The following HECW1 variants were observed in gnomAD, a reference collection of about 807,000 sequenced individuals.
The protein encoded by HECW1 is HECT, C2 and WW domain containing E3 ubiquitin protein ligase 1, also known as E3 ubiquitin-protein ligase HECW1.
In HECW1, 61 loss-of-function variants were observed where a neutral mutation model predicts 182.3. That is an observed-to-expected ratio of 0.33 (90% CI 0.27 to 0.41). HECW1 has a LOEUF of 0.41. HECW1 is among the 10% of genes least tolerant of loss of function. The pLI is 1.00. For missense variants in HECW1, 1,739 were observed against 2,108.9 expected (o/e 0.82, Z 3.44); for synonymous variants, 859 against 832.6 (o/e 1.03, Z -0.55).
At chr7:43,211,041 A>T (rs371441177) in intron 2 of HECW1, among the ~76,000 whole-genome samples, 7 of 152,300 alleles carry the variant, frequency 4.6e-5, no homozygotes, top group African/African-American at 1.7e-4. Flanking sequence ...TCCCTCCTGC[A>T]GTGCTCTCAG....
chr7:43,171,173 T>G (rs1791649585), intron 2 of HECW1, among the ~76,000 whole-genome samples: 1 of 152,152 alleles, frequency 6.6e-6, no homozygotes, highest in African/African-American at 2.4e-5. Context: ...AGTAAAATGC[T>G]TGACTTTCTT....
intron 6 of HECW1, among the ~76,000 whole-genome samples, chr7:43,362,650 CT>C (rs771260719): frequency 1.1e-4 from 16 of 152,146 alleles, no homozygotes; most frequent in Non-Finnish European, 2.4e-4. Flanking sequence ...GGAGTGACAA[CT>C]AAATCAAGGT....
At chr7:43,393,723 G>A (rs1394318654) in intron 6 of HECW1, among the ~76,000 whole-genome samples, 1 of 150,210 alleles carries the variant, frequency 6.7e-6, no homozygotes, top group African/African-American at 2.5e-5. Context: ...CAATAAAGAT[G>A]AAGAGGCTTC....
chr7:43,504,755 C>A (rs191388043), intron 21 of HECW1, among the ~76,000 whole-genome samples: 4 of 152,168 alleles, frequency 2.6e-5, no homozygotes, highest in Admixed American at 1.3e-4. Context: ...CCCTCAGCAC[C>A]CTTCCTCTCT....
At chr7:43,466,760 C>T (rs528604682) in intron 15 of HECW1, among the ~76,000 whole-genome samples, 192 bp downstream of exon 15, 1 of 152,274 alleles carries the variant, frequency 6.6e-6, no homozygotes, top group African/African-American at 2.4e-5. Flanking sequence ...TTTGGAAATG[C>T]TGTTGCCTCT....
intron 21 of HECW1, among the ~76,000 whole-genome samples, chr7:43,504,202 G>A (rs558132350): frequency 1.9e-3 from 292 of 152,226 alleles, no homozygotes; most frequent in African/African-American, 6.5e-3. Context: ...CCCTCATTCC[G>A]TTCCCTGGCT....
At chr7:43,315,278 G>A (rs1364738136) in intron 4 of HECW1, among the ~76,000 whole-genome samples, 2 of 152,090 alleles carry the variant, frequency 1.3e-5, no homozygotes, top group African/African-American at 4.8e-5. Flanking sequence ...CAGAATTCTT[G>A]TGTCCAAAGA....
chr7:43,174,658 C>G (rs1037722495), intron 2 of HECW1, among the ~76,000 whole-genome samples: 3 of 151,958 alleles, frequency 2.0e-5, no homozygotes, highest in African/African-American at 7.2e-5. Context: ...GCTTTTTTTT[C>G]TTTCCTTATG....
At chr7:43,391,452 G>A (rs962792000) in intron 6 of HECW1, among the ~76,000 whole-genome samples, 23 of 152,312 alleles carry the variant, frequency 1.5e-4, no homozygotes, top group African/African-American at 5.5e-4. Flanking sequence ...TTTGTAAGCA[G>A]GAGTGGGAGT....
intron 4 of HECW1, among the ~76,000 whole-genome samples, chr7:43,315,119 T>C (rs978733818): frequency 3.3e-5 from 5 of 152,204 alleles, no homozygotes; most frequent in African/African-American, 4.8e-5. Flanking sequence ...ATAGGACTGT[T>C]CTGACATAAG....
chr7:43,274,147 G>A (rs1802783266), intron 3 of HECW1: 2 of 411,852 alleles, frequency 4.9e-6, no homozygotes, highest in Non-Finnish European at 8.5e-6. Flanking sequence ...CGGCAGGCAC[G>A]GAAAGGACGC....
intron 2 of HECW1, among the ~76,000 whole-genome samples, chr7:43,234,758 C>T (rs1368156071): frequency 1.3e-5 from 2 of 152,156 alleles, no homozygotes; most frequent in African/African-American, 4.8e-5. Context: ...AACACGAGCT[C>T]CACAGCCAGG....
At chr7:43,332,695 G>C (rs1385515676) in intron 5 of HECW1, among the ~76,000 whole-genome samples, 1 of 152,126 alleles carries the variant, frequency 6.6e-6, no homozygotes, top group Non-Finnish European at 1.5e-5. Context: ...AACAGTACAT[G>C]GGCTGCAAGG....
chr7:43,276,420 T>C (rs1311862821), intron 3 of HECW1, among the ~76,000 whole-genome samples: 1 of 150,476 alleles, frequency 6.6e-6, no homozygotes, highest in African/African-American at 2.5e-5. Flanking sequence ...CACAGTCGTT[T>C]GTAGAATTTA....
Position 43,444,323 on chromosome 7 carries a change from C to T in HECW1, c.1151C>T (p.Ala384Val), listed in dbSNP as rs969323271. The T allele has an allele frequency of 1.8e-5, 29 of 1,614,192 alleles. No homozygotes were observed. Among genetic ancestry groups the T allele is most frequent in the Non-Finnish European group, 2.5e-5 (29 of 1,180,026 alleles). Residue 384 changes from alanine to valine, a missense_variant, in exon 11 of 30, where the codon GCA becomes GTA. Ala to Val is a moderately conservative substitution (Grantham distance 64). Coordinates refer to ENST00000395891, the MANE Select transcript of HECW1 (RefSeq NM_015052.5). This position sits in a 1 kb window ranked among gnomAD's most constrained non-coding sequence, Gnocchi z 4.3. ...ESGSGEPRSE[A>V]PESSESWKPE... is the part of the protein sequence containing the mutation. ...GGCAGTGGGGAACCTCGGTCTGAGG[C>T]ACCAGAGTCCTCTGAGAGCTGGAAG...
At chr7:43,137,428 G>T (rs1209478739) in intron 2 of HECW1, among the ~76,000 whole-genome samples, 1 of 152,062 alleles carries the variant, frequency 6.6e-6, no homozygotes, top group African/African-American at 2.4e-5. Flanking sequence ...CTCTAAAATG[G>T]ATACTCATCA....
intron 2 of HECW1, among the ~76,000 whole-genome samples, chr7:43,211,633 G>T (rs1004808773): frequency 6.6e-6 from 1 of 152,180 alleles, no homozygotes; most frequent in Non-Finnish European, 1.5e-5. Context: ...AAATTGACCT[G>T]CTAGAATAAA....
intron 29 of HECW1, among the ~76,000 whole-genome samples, chr7:43,560,799 A>G (rs755942872): frequency 6.6e-6 from 1 of 152,150 alleles, no homozygotes; most frequent in South Asian, 2.1e-4. Flanking sequence ...GTTTCTTTGT[A>G]TGTTTGTTTT....
At chr7:43,228,602 C>T (rs1797634136) in intron 2 of HECW1, among the ~76,000 whole-genome samples, 1 of 152,140 alleles carries the variant, frequency 6.6e-6, no homozygotes, top group African/African-American at 2.4e-5. Context: ...GTTCACTTGG[C>T]TATGTATTCA....
Sources: allele counts gnomAD v4.1 joint callset (sites outside exome capture counted in the v4.1 genomes callset), GRCh38; gene constraint gnomAD v4.1.1; non-coding constraint Gnocchi (gnomAD v3.1); transcripts MANE v1.5; gene names NCBI Gene and HGNC (gene_info 2026-07-23, HGNC 2026-07-21).